The following CYP24A1 variants were observed in gnomAD, a reference collection of about 807,000 sequenced individuals.
The protein encoded by CYP24A1 is cytochrome P450 family 24 subfamily A member 1, also known as 1,25-dihydroxyvitamin D(3) 24-hydroxylase, mitochondrial.
A neutral mutation model predicts 62.4 loss-of-function variants in CYP24A1; 68 were observed. The ratio of observed to expected loss-of-function variants is 1.09; its 90% CI spans 0.90 to 1.33. CYP24A1 has a LOEUF of 1.33. CYP24A1 is among the 40% of genes most tolerant of loss of function. The pLI, the probability that CYP24A1 is intolerant of heterozygous loss-of-function variation, is 0.00. For missense variants in CYP24A1, 787 were observed against 653.0 expected (o/e 1.21, Z -2.24); for synonymous variants, 267 against 253.0 (o/e 1.06, Z -0.52).
chr20:54,166,105 G>GA (rs2146490933), intron 4 of CYP24A1, among the ~76,000 whole-genome samples: 1 of 152,308 alleles, frequency 6.6e-6, no homozygotes, highest in South Asian at 2.1e-4. Context: ...AGTCACACAG[G>GA]AGATCCAGGG....
At chr20:54,162,399 A>C (rs1167589024) in intron 7 of CYP24A1, among the ~76,000 whole-genome samples, 1 of 138,946 alleles carries the variant, frequency 7.2e-6, no homozygotes, top group Non-Finnish European at 1.6e-5. Context: ...GTTTGCATGG[A>C]CATCATGGCA....
In CYP24A1 at chr20:54,166,310, G is replaced by GT. The variant is rs910761804; in HGVS notation, c.641-478dup. The stretch of plus-strand genomic sequence containing the variant: ...GTACTGGGCTAGCACTTCATATAGG[G>GT]TTTTTTTTCCTTCCATTTCATCATT... On this transcript the variant is annotated intron_variant, in intron 4 of 11. Transcript: ENST00000216862. Among the ~76,000 whole-genome samples, 68 of 151,846 alleles carry GT rather than the reference G, an allele frequency of 4.5e-4. 1 individual carries two copies. The highest frequency in any genetic ancestry group is 1.5e-3 in the South Asian group (7 of 4,802).
At chr20:54,171,536 G>C in intron 3 of CYP24A1, 41 bp downstream of exon 3, 1 of 1,613,656 alleles carries the variant, frequency 6.2e-7, no homozygotes, top group Non-Finnish European at 8.5e-7. Flanking sequence ...ATATCCCTAT[G>C]TCCCCACGAG....
rs1601149625 is a variant in CYP24A1 at position 54,172,651 on chromosome 20, T to G, written c.449+258A>C. 3 of 738,920 alleles carry G rather than the reference T, an allele frequency of 4.1e-6. No individual in the cohort carries two copies. The East Asian group carries it at 9.0e-5, about 22-fold the overall frequency. The allele number at this position is 738,920 out of a possible 1,614,324, so 45.8% of individuals were successfully genotyped here. A position where few individuals can be genotyped will look rare whatever the true frequency, so the allele number is the denominator to read the frequency against. ...TGGTACAACCCTGTTTTGGCGTTTCTTTGATGGGAGGGTGTGGCCCTGCCC... is the reference window on the plus strand; with the variant it reads ...TGGTACAACCCTGTTTTGGCGTTTCGTTGATGGGAGGGTGTGGCCCTGCCC... On this transcript the variant is annotated intron_variant, in intron 2 of 11. Transcript: ENST00000216862.
chr20:54,168,844 CT>C (rs1240446098), intron 4 of CYP24A1, among the ~76,000 whole-genome samples: 4 of 17,648 alleles, frequency 2.3e-4, no homozygotes, highest in Non-Finnish European at 3.6e-4. Flanking sequence ...CCCTCCCTCC[CT>C]TCTTCCTTCC....
At chr20:54,147,126 G>T in the CYP24A1 span, among the ~76,000 whole-genome samples, 2 of 152,174 alleles carry the variant, frequency 1.3e-5, no homozygotes, top group South Asian at 4.1e-4. Flanking sequence ...TGGGGTTTCA[G>T]TCCGAGCCTG....
downstream of CYP24A1, among the ~76,000 whole-genome samples, chr20:54,150,625 C>CA (rs34194258): frequency 6.6e-6 from 1 of 152,088 alleles, no homozygotes; most frequent in African/African-American, 2.4e-5. Context: ...CGTGCCCAGC[C>CA]AAAAAACCCC....
In CYP24A1 at chr20:54,164,491, G is replaced by T; in HGVS notation, c.805C>A (p.Gln269Lys). Residue 269 changes from glutamine (Q) to lysine (K), a missense_variant, in exon 6 of 12, where the codon CAG (glutamine) becomes AAG (lysine). Gln to Lys is a moderately conservative substitution (Grantham distance 53). Coordinates refer to ENST00000216862, the MANE Select transcript of CYP24A1 (RefSeq NM_000782.5). ...LHKSLNTKVW[Q>K]DHTLAWDTIF... ...GTGTCCCAGGCCAGAGTGTGGTCCTGCCAGACCTTGGTGTTGAGGCTCTTG... is the reference window on the plus strand; with the variant it reads ...GTGTCCCAGGCCAGAGTGTGGTCCTTCCAGACCTTGGTGTTGAGGCTCTTG... The T allele has an allele frequency of 6.2e-7, 1 of 1,614,128 alleles. No homozygotes were observed. Among genetic ancestry groups the T allele is most frequent in the Non-Finnish European group, 8.5e-7 (1 of 1,180,006 alleles).
chr20:54,158,276 G>C, intron 8 of CYP24A1, 112 bp from the exon 9 acceptor site: 4 of 1,550,222 alleles, frequency 2.6e-6, no homozygotes, highest in Non-Finnish European at 3.5e-6. Flanking sequence ...CATACTCAAA[G>C]AGGCAGCATG....
At position 54,157,208 on chromosome 20, in the gene CYP24A1, C is replaced by G; in HGVS notation, c.1516G>C (p.Glu506Gln). 1 of 1,611,162 alleles carries G rather than the reference C, an allele frequency of 6.2e-7. No homozygotes were observed. Among genetic ancestry groups the G allele is most frequent in the Non-Finnish European group, 8.5e-7 (1 of 1,177,426 alleles). ...CGCTGGCAAAACGCGATGGGGAGTT[C>G]CCGGCTGGGCACCAGGGTGCCTGAG... Reference protein sequence around the residue: ...LHSGTLVPSRELPIAFCQR With the variant: ...LHSGTLVPSRQLPIAFCQR Residue 506 changes from glutamate (E) to glutamine (Q), a missense_variant, in exon 11 of 12, where the codon GAA becomes CAA. Physicochemically the swap from Glu to Gln is conservative, Grantham distance 29. Transcript: ENST00000216862.
At position 54,162,881 on chromosome 20, in the gene CYP24A1, AAG is replaced by A. The variant is rs772125898; in HGVS notation, c.845-21_845-20del. The A allele has an allele frequency of 4.6e-6, 7 of 1,518,312 alleles. No homozygotes were observed. Among genetic ancestry groups the A allele is most frequent in the Non-Finnish European group, 5.5e-6 (6 of 1,093,196 alleles). The allele number at this position is 1,518,312 out of a possible 1,614,324, so 94.1% of individuals were successfully genotyped here. On this transcript the variant is annotated intron_variant, in intron 6 of 11. Coordinates refer to ENST00000216862, the MANE Select transcript of CYP24A1 (RefSeq NM_000782.5). The stretch of plus-strand genomic sequence containing the variant: ...GCTTTGACTATTAGAGCAGAGAAGA[AAG>A]AGAGGAAGTCAGCTGAAAATTGGGA...
chr20:54,164,683 C>G, intron 5 of CYP24A1, 120 bp from the exon 6 acceptor site: 1 of 1,564,376 alleles, frequency 6.4e-7, no homozygotes. Context: ...GCTGGAATTA[C>G]AAGGACACCC....
Position 54,169,727 on chromosome 20 carries a change from C to G in CYP24A1, c.544-39G>C, listed in dbSNP as rs188695430. On this transcript the variant is annotated intron_variant, in intron 3 of 11. Coordinates refer to ENST00000216862, the MANE Select transcript of CYP24A1 (RefSeq NM_000782.5). Reference sequence around the variant, plus strand: ...AACCGCAAAAGACACATTTTAAAGCCGTTGAAGGAAAACAAAACTTTAAAG... The same window carrying G: ...AACCGCAAAAGACACATTTTAAAGCGGTTGAAGGAAAACAAAACTTTAAAG... 8 of 1,612,590 alleles carry G rather than the reference C, an allele frequency of 5.0e-6. No individual in the cohort carries two copies. The East Asian group carries it at 1.8e-4, about 36-fold the overall frequency.
In CYP24A1 at chr20:54,173,200, C is replaced by T; in HGVS notation, c.259-101G>A. 6.5e-7 allele frequency: 1 copy of T among 1,532,250 alleles called. No homozygotes were observed. Among genetic ancestry groups the T allele is most frequent in the Non-Finnish European group, 9.0e-7 (1 of 1,116,532 alleles). 94.9% of individuals were successfully genotyped at this position (1,532,250 alleles called of 1,614,324 possible). A position where few individuals can be genotyped will look rare whatever the true frequency, so the allele number is the denominator to read the frequency against. On this transcript the variant is annotated intron_variant, in intron 1 of 11. Transcript: ENST00000216862. The surrounding 1 kb of genome is among the most constrained non-coding windows in gnomAD (Gnocchi z 7.2). ...TCCTTCCTCCTAGGGGACCGGGGAC[C>T]CTCCCTGCCCAGACGCCGAAGCGCA...
chr20:54,155,736 C>A (rs1187727408), intron 11 of CYP24A1, among the ~76,000 whole-genome samples: 22 of 120,400 alleles, frequency 1.8e-4, no homozygotes, highest in Non-Finnish European at 3.3e-4. Context: ...GACACTGTCT[C>A]AAAAAAAAAA....
chr20:54,148,377 C>CACACAG, the CYP24A1 span, among the ~76,000 whole-genome samples: 2 of 144,942 alleles, frequency 1.4e-5, no homozygotes, highest in Non-Finnish European at 3.0e-5. Flanking sequence ...CAGACACACA[C>CACACAG]ACACACACAC....
chr20:54,170,321 T>C (rs1601145911), intron 3 of CYP24A1, among the ~76,000 whole-genome samples: 1 of 152,184 alleles, frequency 6.6e-6, no homozygotes, highest in Admixed American at 6.5e-5. Flanking sequence ...ACGAAGTGTA[T>C]TGGTTGATCC....
chr20:54,167,997 A>G (rs907930450), intron 4 of CYP24A1, among the ~76,000 whole-genome samples: 4 of 152,124 alleles, frequency 2.6e-5, no homozygotes, highest in Non-Finnish European at 5.9e-5. Flanking sequence ...GCCCTCCATG[A>G]GCTGGCTGCT....
At chr20:54,144,978 T>A in the CYP24A1 span, among the ~76,000 whole-genome samples, 2 of 151,918 alleles carry the variant, frequency 1.3e-5, no homozygotes, top group Admixed American at 1.3e-4. Flanking sequence ...CATAATCATT[T>A]ATTACCTAAG....
Sources: allele counts gnomAD v4.1 joint callset (sites outside exome capture counted in the v4.1 genomes callset), GRCh38; gene constraint gnomAD v4.1.1; non-coding constraint Gnocchi (gnomAD v3.1); transcripts MANE v1.5; gene names NCBI Gene and HGNC (gene_info 2026-07-23, HGNC 2026-07-21).